RBPJ: variants seen among roughly 807,000 people sequenced by gnomAD.
The protein encoded by RBPJ is recombination signal binding protein for immunoglobulin kappa J region.
In RBPJ, 9 loss-of-function variants were observed where a neutral mutation model predicts 67.8. The ratio of observed to expected loss-of-function variants is 0.13; its 90% CI spans 0.08 to 0.23. RBPJ has a LOEUF of 0.23. Ranked by LOEUF, RBPJ falls within the 10% of genes least tolerant of loss-of-function variation. The pLI is 1.00. For missense variants in RBPJ, 305 were observed against 595.6 expected, an observed-to-expected ratio of 0.51 and a Z score of 5.08; for synonymous variants, 198 against 203.3, an observed-to-expected ratio of 0.97 and a Z score of 0.22.
chr4:26,263,761 G>A (rs908240750), intron 1 of RBPJ, among the ~76,000 whole-genome samples: 3 of 151,950 alleles, frequency 2.0e-5, no homozygotes, highest in African/African-American at 4.8e-5. Flanking sequence ...TAGTAAAGAC[G>A]GGGTTTCACC....
chr4:26,256,863 G>A (rs1251427342), intron 1 of RBPJ, among the ~76,000 whole-genome samples: 1 of 152,170 alleles, frequency 6.6e-6, no homozygotes, highest in Non-Finnish European at 1.5e-5. Context: ...AGATGACCAG[G>A]CGAAGGTCAC....
intron 1 of RBPJ, among the ~76,000 whole-genome samples, chr4:26,209,155 A>G (rs1718275344): frequency 6.6e-6 from 1 of 151,666 alleles, no homozygotes; most frequent in Non-Finnish European, 1.5e-5. Flanking sequence ...AACATGGCCT[A>G]TTTCAAGCTA....
intron 1 of RBPJ, chr4:26,384,047 A>T (rs1018918037): frequency 1.3e-5 from 2 of 152,098 alleles, no homozygotes; most frequent in Admixed American, 6.5e-5. Flanking sequence ...TTTTGTAGAG[A>T]CAGGGTTTCA....
At chr4:26,368,774 C>T (rs1728868784) in intron 1 of RBPJ, among the ~76,000 whole-genome samples, 1 of 152,164 alleles carries the variant, frequency 6.6e-6, no homozygotes, top group Non-Finnish European at 1.5e-5. Flanking sequence ...AAATAAACTC[C>T]TTTGTTGTTG....
At chr4:26,267,156 A>G (rs1435734330) in intron 1 of RBPJ, among the ~76,000 whole-genome samples, 1 of 152,144 alleles carries the variant, frequency 6.6e-6, no homozygotes, top group Non-Finnish European at 1.5e-5. Flanking sequence ...AGTTTGATGG[A>G]TTTCAAAATT....
intron 1 of RBPJ, among the ~76,000 whole-genome samples, chr4:26,301,274 T>A (rs1299233570): frequency 6.6e-6 from 1 of 152,124 alleles, no homozygotes; most frequent in Non-Finnish European, 1.5e-5. Flanking sequence ...TAAATTCCTT[T>A]AATAACTGTT....
chr4:26,434,787 A>G lies in RBPJ; in HGVS notation c.*3780A>G, dbSNP rs1243977092. 6.6e-6 allele frequency: 1 copy of G among 152,238 alleles called. No homozygotes were observed. Among genetic ancestry groups the G allele is most frequent in the African/African-American group, 2.4e-5 (1 of 41,464 alleles). 9.4% of individuals were successfully genotyped at this position (152,238 alleles called of 1,614,324 possible). A position where few individuals can be genotyped will look rare whatever the true frequency, so the allele number is the denominator to read the frequency against. ...GCCTGTAAGGTTTATTAGCAATAAG[A>G]TAGAAAATTGAGCAAGTTTATACCA... On this transcript the variant is annotated 3_prime_UTR_variant, in exon 11 of 11. Coordinates refer to ENST00000355476, the MANE Select transcript of RBPJ (RefSeq NM_015874.6).
rs540937763 is a variant in RBPJ, at chr4:26,339,239, A to C, written c.20+18191A>C. On this transcript the variant is annotated intron_variant, in intron 1 of 10. Coordinates refer to ENST00000355476, the MANE Select transcript of RBPJ (RefSeq NM_015874.6). ...TCTAGTTGCGTTCAGACCTTGCCAT[A>C]GTTTGGTGAGGGAGGTAGTATTACC... Among the ~76,000 whole-genome samples the C allele has an allele frequency of 1.3e-4, 20 of 152,240 alleles. No homozygotes were observed. The South Asian group carries it at 2.7e-3, about 20-fold the overall frequency.
At chr4:26,285,679 A>T (rs1335889468) in intron 1 of RBPJ, among the ~76,000 whole-genome samples, 1 of 52,738 alleles carries the variant, frequency 1.9e-5, no homozygotes, top group Non-Finnish European at 3.1e-5. Flanking sequence ...CTGATACGTT[A>T]AAAAAAAAAA....
rs1459484193 is a variant in RBPJ, at chr4:26,354,523, T to A, written c.21-31830T>A. ...GCAGTGCAGTGGTATGATCTCAGCT[T>A]ATTGCCACCTCCACTTCCTGGGTTC... On this transcript the variant is annotated intron_variant, in intron 1 of 10. Transcript: ENST00000355476. Among the ~76,000 whole-genome samples, 7 of 150,964 alleles carry A rather than the reference T, an allele frequency of 4.6e-5. No homozygotes were observed. The East Asian group carries it at 1.4e-3, about 29-fold the overall frequency.
chr4:26,117,091 C>CTCAATTTATAACTCAAT, the RBPJ span, among the ~76,000 whole-genome samples: 4 of 152,336 alleles, frequency 2.6e-5, no homozygotes, highest in African/African-American at 7.2e-5. Flanking sequence ...ATTTATAACA[C>CTCAATTTATAACTCAAT]TTAGTAAATG....
the RBPJ span, among the ~76,000 whole-genome samples, chr4:26,131,992 T>C: frequency 7.2e-5 from 11 of 152,178 alleles, no homozygotes; most frequent in South Asian, 2.1e-3. Flanking sequence ...ATTTCTCAAG[T>C]GGTTTGGAGT....
chr4:26,343,481 A>G (rs1404586049), intron 1 of RBPJ, among the ~76,000 whole-genome samples: 2 of 152,168 alleles, frequency 1.3e-5, no homozygotes, highest in Admixed American at 6.5e-5. Flanking sequence ...CAGCTTATAC[A>G]TATGAATAGT....
chr4:26,267,623 A>G (rs571416547), intron 1 of RBPJ, among the ~76,000 whole-genome samples: 4 of 151,662 alleles, frequency 2.6e-5, no homozygotes, highest in African/African-American at 9.7e-5. Flanking sequence ...TTATTTATTT[A>G]TTTTTTGAGA....
intron 1 of RBPJ, among the ~76,000 whole-genome samples, chr4:26,182,491 A>G (rs528262492): frequency 6.7e-6 from 1 of 149,926 alleles, no homozygotes; most frequent in South Asian, 2.1e-4. Context: ...TTACTTTTTA[A>G]ACTTTTTTTT....
intron 1 of RBPJ, among the ~76,000 whole-genome samples, chr4:26,360,776 C>A (rs971815509): frequency 3.5e-4 from 51 of 146,812 alleles, no homozygotes; most frequent in Non-Finnish European, 7.1e-4. Flanking sequence ...TTTTTTTTTT[C>A]TTTTGGTATT....
intron 1 of RBPJ, among the ~76,000 whole-genome samples, chr4:26,238,907 G>A (rs989369894): frequency 2.6e-5 from 4 of 152,126 alleles, no homozygotes; most frequent in Non-Finnish European, 5.9e-5. Context: ...CAAAGCAGCA[G>A]GTGAGAGAGC....
chr4:26,311,761 G>C (rs1208634448), intron 1 of RBPJ, among the ~76,000 whole-genome samples: 1 of 152,038 alleles, frequency 6.6e-6, no homozygotes, highest in African/African-American at 2.4e-5. Context: ...TTATACTCAA[G>C]TTCTATATCA....
intron 1 of RBPJ, among the ~76,000 whole-genome samples, chr4:26,204,032 C>T (rs868178793): frequency 6.6e-6 from 1 of 152,172 alleles, no homozygotes; most frequent in African/African-American, 2.4e-5. Flanking sequence ...GCAGCTTCAA[C>T]CTCCCAGGCT....
Sources: gnomAD v4.1 joint callset for allele counts (sites outside exome capture counted in the v4.1 genomes callset) on GRCh38, gnomAD v4.1.1 for gene constraint, MANE v1.5 for transcripts, NCBI Gene and HGNC (gene_info 2026-07-23, HGNC 2026-07-21) for gene names.